The following PKHD1L1 variants were observed in gnomAD, a reference collection of about 807,000 sequenced individuals.
PKHD1L1 encodes the protein PKHD1 like 1, also known as fibrocystin-L.
PKHD1L1 carries 434 observed loss-of-function variants against 462.9 expected under a neutral mutation model. The ratio of observed to expected loss-of-function variants is 0.94; its 90% CI spans 0.87 to 1.02. PKHD1L1 has a LOEUF of 1.02. Among genes scored for constraint, PKHD1L1 ranks in the 50% least tolerant of loss-of-function variants. PKHD1L1 has a pLI of 0.00. For synonymous variants in PKHD1L1, 1,781 were observed against 1,750.0 expected (o/e 1.02, Z -0.44); for missense variants, 5,202 against 5,096.1 (o/e 1.02, Z -0.63).
intron 48 of PKHD1L1, among the ~76,000 whole-genome samples, chr8:109,462,461 A>G (rs1004565880): frequency 6.6e-6 from 1 of 152,166 alleles, no homozygotes; most frequent in African/African-American, 2.4e-5. Context: ...TGCTCGTGCC[A>G]TGCTAGTCAT....
intron 33 of PKHD1L1, among the ~76,000 whole-genome samples, chr8:109,441,064 C>T (rs752486189): frequency 1.3e-5 from 2 of 151,896 alleles, no homozygotes; most frequent in African/African-American, 2.4e-5. Flanking sequence ...AATGTGTATG[C>T]GACATATAGA....
Position 109,444,911 on chromosome 8 carries a change from G to A in PKHD1L1, c.5042G>A (p.Gly1681Asp). ...GGAATGACAAGCGTGACCATAAAAG[G>A]CTCTGGATTTGCCGTTTCTTCTGCA... ...TTGMTSVTIK[G>D]SGFAVSSAGV... The change falls in exon 38 of 78, where the codon GGC becomes GAC. Residue 1681 changes from glycine (G) to aspartate (D), a missense_variant. Around this residue, in one of 3 missense-constraint regions of PKHD1L1, gnomAD observed 4,497 missense variants for 4,336.8 expected, o/e 1.04. Transcript: ENST00000378402. 6.2e-7 allele frequency: 1 copy of A among 1,613,986 alleles called. No homozygotes were observed. Among genetic ancestry groups the A allele is most frequent in the Middle Eastern group, 1.6e-4 (1 of 6,062 alleles).
chr8:109,410,720 C>CTT (rs373016127), intron 19 of PKHD1L1, among the ~76,000 whole-genome samples: 1 of 70,334 alleles, frequency 1.4e-5, no homozygotes, highest in African/African-American at 7.1e-5. Flanking sequence ...CTTTTCTTTT[C>CTT]TTTTTCTTTT....
chr8:109,387,040 A>T (rs971797171), intron 6 of PKHD1L1, among the ~76,000 whole-genome samples: 1 of 152,126 alleles, frequency 6.6e-6, no homozygotes, highest in African/African-American at 2.4e-5. Flanking sequence ...AAAGTCTTGG[A>T]GCTGCATTTG....
intron 26 of PKHD1L1, 83 bp downstream of exon 26, chr8:109,429,545 C>T (rs1814971238): frequency 7.5e-7 from 1 of 1,329,944 alleles, no homozygotes. Flanking sequence ...CCTGGTGAAA[C>T]AGGAGGTTTG....
Position 109,394,432 on chromosome 8 carries a change from T to A in PKHD1L1, c.758T>A (p.Met253Lys). Residue 253 changes from methionine to lysine, a missense_variant, in exon 10 of 78, where the codon ATG becomes AAG. Physicochemically the swap from Met to Lys is moderately conservative, Grantham distance 95 (BLOSUM62 -1). Coordinates refer to ENST00000378402, the MANE Select transcript of PKHD1L1 (RefSeq NM_177531.6). ...TTTAACAGGAGTTTTCCACAGAAAA[T>A]GGCATATTTTGTTTCTTCTCTCAAT... ...NDYGRSFPQK[M>K]AYFVSSLNKI... The A allele has an allele frequency of 6.6e-7, 1 of 1,519,284 alleles. No individual in the cohort carries two copies. Among genetic ancestry groups the A allele is most frequent in the African/African-American group, 1.4e-5 (1 of 71,732 alleles). The allele number at this position is 1,519,284 out of a possible 1,614,324, so 94.1% of individuals were successfully genotyped here.
chr8:109,398,159 A>T, intron 11 of PKHD1L1, among the ~76,000 whole-genome samples: 1 of 152,174 alleles, frequency 6.6e-6, no homozygotes, highest in East Asian at 1.9e-4. Flanking sequence ...TTTTACTTTG[A>T]ATTCAGAAGT....
chr8:109,362,576 T>A lies in PKHD1L1; in HGVS notation c.-5T>A. 1.2e-6 allele frequency: 2 copies of A among 1,606,378 alleles called. No individual in the cohort carries two copies. Among genetic ancestry groups the A allele is most frequent in the Non-Finnish European group, 1.7e-6 (2 of 1,176,542 alleles). On this transcript the variant is annotated 5_prime_UTR_variant, in exon 1 of 78. Coordinates refer to ENST00000378402, the MANE Select transcript of PKHD1L1 (RefSeq NM_177531.6). Reference sequence around the variant, plus strand: ...GGGCACCAACTCCGCAGAACTGGCTTTTCAATGGGACACCTGTGGCTCCTG... The same window carrying A: ...GGGCACCAACTCCGCAGAACTGGCTATTCAATGGGACACCTGTGGCTCCTG...
At position 109,486,505 on chromosome 8, in the gene PKHD1L1, T is replaced by A. The variant is rs1018411276; in HGVS notation, c.9707-143T>A. 1.0e-5 allele frequency: 6 copies of A among 601,476 alleles called. No individual in the cohort carries two copies. In the African/African-American group the frequency reaches 1.1e-4, roughly 11 times the overall value. The allele number at this position is 601,476 out of a possible 1,614,324, so 37.3% of individuals were successfully genotyped here. A position where few individuals can be genotyped will look rare whatever the true frequency, so the allele number is the denominator to read the frequency against. On this transcript the variant is annotated intron_variant, in intron 58 of 77. Transcript: ENST00000378402. ...TCATAATATCAGACTGCCATCTATA[T>A]ATGTTTAACATGTAAATGTAATCAT...
In PKHD1L1 at chr8:109,507,522, GC is replaced by G. The variant is rs559436918; in HGVS notation, c.10995-140del. On this transcript the variant is annotated intron_variant, in intron 68 of 77. Coordinates refer to ENST00000378402, the MANE Select transcript of PKHD1L1 (RefSeq NM_177531.6). Reference sequence around the variant, plus strand: ...CCTCATTATAATGCAAATTACATAGGCTACTTGGTCCCACTTTGAAATCTCT... The same window carrying G: ...CCTCATTATAATGCAAATTACATAGGTACTTGGTCCCACTTTGAAATCTCT... 2.7e-4 allele frequency: 181 copies of G among 671,980 alleles called. 1 individual carries two copies. The highest frequency in any genetic ancestry group is 2.2e-3 in the African/African-American group (119 of 55,158). The allele number at this position is 671,980 out of a possible 1,614,324, so 41.6% of individuals were successfully genotyped here. A position where few individuals can be genotyped will look rare whatever the true frequency, so the allele number is the denominator to read the frequency against.
At chr8:109,523,443 T>C in intron 76 of PKHD1L1, 57 bp downstream of exon 76, 6 of 1,459,556 alleles carry the variant, frequency 4.1e-6, no homozygotes, top group Non-Finnish European at 3.7e-6. Context: ...ACAATTATAA[T>C]GTTCTTTTAA....
chr8:109,485,553 A>G (rs1183685402), intron 58 of PKHD1L1, among the ~76,000 whole-genome samples: 1 of 151,972 alleles, frequency 6.6e-6, no homozygotes, highest in African/African-American at 2.4e-5. Context: ...CATTTAGACA[A>G]GTAATAATGG....
At chr8:109,428,521 GC>G (rs1814903733) in intron 25 of PKHD1L1, among the ~76,000 whole-genome samples, 1 of 152,112 alleles carries the variant, frequency 6.6e-6, no homozygotes. Flanking sequence ...GTATGGTTGT[GC>G]AAAATAGTAA....
At chr8:109,370,851 T>G (rs576240441) in intron 2 of PKHD1L1, among the ~76,000 whole-genome samples, 3 of 152,382 alleles carry the variant, frequency 2.0e-5, no homozygotes, top group East Asian at 3.9e-4. Context: ...TCAATTTTTA[T>G]GGCTGCATAG....
In PKHD1L1 at chr8:109,500,584, G is replaced by A. The variant is rs1054702881; in HGVS notation, c.10828+1813G>A. Among the ~76,000 whole-genome samples the A allele has an allele frequency of 5.1e-5, 7 of 137,512 alleles. No individual in the cohort carries two copies. The Admixed American group carries it at 5.5e-4, about 11-fold the overall frequency. The allele number at this position is 137,512 out of a possible 152,430, so 90.2% of individuals were successfully genotyped here. A position where few individuals can be genotyped will look rare whatever the true frequency, so the allele number is the denominator to read the frequency against. On this transcript the variant is annotated intron_variant, in intron 67 of 77. Coordinates refer to ENST00000378402, the MANE Select transcript of PKHD1L1 (RefSeq NM_177531.6). ...AGCTACTTGTAAGGCTGAGGCAGGA[G>A]AATTGCTTGAAACTGGGAGGCGGAG...
In PKHD1L1 at chr8:109,491,039, G is replaced by T. The variant is rs1818797983; in HGVS notation, c.10052G>T (p.Gly3351Val). ...CACCATGGCTTCTCTCCAGCAATTG[G>T]TGTATTTGGGACAGATGGATTGGAC... ...AFHHGFSPAI[G>V]VFGTDGLDID... Residue 3351 changes from glycine (G) to valine (V), a missense_variant, in exon 61 of 78, where the codon GGT becomes GTT. Coordinates refer to ENST00000378402, the MANE Select transcript of PKHD1L1 (RefSeq NM_177531.6). The T allele has an allele frequency of 1.2e-6, 2 of 1,610,104 alleles. No homozygotes were observed. The highest frequency in any genetic ancestry group is 4.5e-5 in the East Asian group (2 of 44,720).
At chr8:109,372,747 C>T (rs929416818) in intron 2 of PKHD1L1, among the ~76,000 whole-genome samples, 16 of 152,284 alleles carry the variant, frequency 1.1e-4, no homozygotes, top group African/African-American at 3.8e-4. Context: ...GCCTTTTCTG[C>T]ATCTATTGAG....
chr8:109,438,981 G>A lies in PKHD1L1; in HGVS notation c.3845G>A (p.Cys1282Tyr), dbSNP rs763808526. Residue 1282 changes from cysteine (C) to tyrosine (Y), a missense_variant, in exon 32 of 78, where the codon TGC becomes TAC. Coordinates refer to ENST00000378402, the MANE Select transcript of PKHD1L1 (RefSeq NM_177531.6). ...NMAVYVGGKT[C>Y]QILHWNFTDI... The stretch of plus-strand genomic sequence containing the variant: ...GCGGTGTATGTTGGAGGAAAAACCT[G>A]CCAGATTCTTCACTGGAACTTCACA... 2 of 1,613,666 alleles carry A rather than the reference G, an allele frequency of 1.2e-6. No individual in the cohort carries two copies. Among genetic ancestry groups the A allele is most frequent in the South Asian group, 1.1e-5 (1 of 91,070 alleles).
At position 109,530,225 on chromosome 8, in the gene PKHD1L1, T is replaced by C. The variant is rs1821004480; in HGVS notation, c.*135T>C. The stretch of plus-strand genomic sequence containing the variant: ...TTTTATGATATATAAAATGTACTAA[T>C]TAGCTTTAAACACTAAAATCAGATT... On this transcript the variant is annotated 3_prime_UTR_variant, in exon 78 of 78. Coordinates refer to ENST00000378402, the MANE Select transcript of PKHD1L1 (RefSeq NM_177531.6). The C allele has an allele frequency of 7.0e-6, 3 of 425,586 alleles. No homozygotes were observed. Among genetic ancestry groups the C allele is most frequent in the Non-Finnish European group, 1.2e-5 (3 of 257,044 alleles). 26.4% of individuals were successfully genotyped at this position (425,586 alleles called of 1,614,324 possible). A position where few individuals can be genotyped will look rare whatever the true frequency, so the allele number is the denominator to read the frequency against.
Sources: allele counts gnomAD v4.1 joint callset (sites outside exome capture counted in the v4.1 genomes callset), GRCh38; gene constraint gnomAD v4.1.1; regional missense constraint gnomAD v4.1.1; transcripts MANE v1.5; gene names NCBI Gene and HGNC (gene_info 2026-07-23, HGNC 2026-07-21).